The following NRXN1 variants were observed in gnomAD, a reference collection of about 807,000 sequenced individuals.
NRXN1 encodes the protein neurexin 1.
NRXN1 carries 39 observed loss-of-function variants against 150.9 expected under a neutral mutation model. The observed-to-expected ratio is 0.26, with a 90% CI of 0.20 to 0.34. The LOEUF (loss-of-function observed/expected upper bound fraction) is 0.34. Among genes scored for constraint, NRXN1 ranks in the 10% least tolerant of loss-of-function variants. The probability of loss-of-function intolerance (pLI) is 1.00; values close to 1 mark genes in which losing one functional copy is unlikely to be tolerated. For synonymous variants in NRXN1, 924 were observed against 757.0 expected (o/e 1.22, Z -3.62); for missense variants, 1,815 against 1,949.9 (o/e 0.93, Z 1.30).
chr2:50,551,044 G>GAA (rs1491286570), intron 9 of NRXN1, among the ~76,000 whole-genome samples: 421 of 65,764 alleles, frequency 6.4e-3, no homozygotes, highest in African/African-American at 0.028. Flanking sequence ...AAGAGGAAGA[G>GAA]GAAGAGGAAG....
At chr2:51,031,644 G>A (rs555188232) in intron 1 of NRXN1, among the ~76,000 whole-genome samples, 2 of 152,094 alleles carry the variant, frequency 1.3e-5, no homozygotes, top group African/African-American at 2.4e-5. Context: ...ACAAATTAAC[G>A]ATGGGCACAG....
At chr2:50,128,248 T>C (rs1234455823) in intron 18 of NRXN1, among the ~76,000 whole-genome samples, 2 of 152,070 alleles carry the variant, frequency 1.3e-5, no homozygotes, top group Admixed American at 6.5e-5. Context: ...GGGCAAAGCA[T>C]GGAGGAAAAA....
chr2:49,964,445 T>A (rs1435497703), intron 21 of NRXN1, among the ~76,000 whole-genome samples: 1 of 151,276 alleles, frequency 6.6e-6, no homozygotes, highest in Non-Finnish European at 1.5e-5. Flanking sequence ...TCGGGTGTGG[T>A]GGCGCACACC....
chr2:50,616,153 T>G (rs923861280), intron 8 of NRXN1: 2 of 152,160 alleles, frequency 1.3e-5, no homozygotes, highest in African/African-American at 4.8e-5. Context: ...CAGACTTTGA[T>G]TTACTTGTGA....
At chr2:50,977,062 G>A (rs1013911745) in intron 2 of NRXN1, among the ~76,000 whole-genome samples, 5 of 151,900 alleles carry the variant, frequency 3.3e-5, no homozygotes, top group Non-Finnish European at 7.4e-5. Context: ...GAATTATAGA[G>A]AGGGAGAAAA....
At chr2:50,238,556 T>C (rs1330256128) in intron 17 of NRXN1, among the ~76,000 whole-genome samples, 1 of 152,068 alleles carries the variant, frequency 6.6e-6, no homozygotes, top group Non-Finnish European at 1.5e-5. Flanking sequence ...CATTTATGTG[T>C]AAAAGTTGTG....
chr2:50,665,098 G>A (rs548941692), intron 5 of NRXN1, among the ~76,000 whole-genome samples: 1 of 151,838 alleles, frequency 6.6e-6, no homozygotes, highest in Non-Finnish European at 1.5e-5. Flanking sequence ...CACAGGCCAC[G>A]TTTTTCCTCA....
chr2:51,018,499 T>C (rs77851994), intron 2 of NRXN1, among the ~76,000 whole-genome samples: 138 of 152,224 alleles, frequency 9.1e-4, no homozygotes, highest in Non-Finnish European at 1.6e-3. Context: ...AGGGCATTCA[T>C]CTTTCCAACT....
chr2:50,920,302 T>C (rs1247264236), intron 5 of NRXN1, among the ~76,000 whole-genome samples: 2 of 151,682 alleles, frequency 1.3e-5, no homozygotes, highest in African/African-American at 2.4e-5. Flanking sequence ...AAGACTGACA[T>C]AGAAAAACTA....
At chr2:50,297,486 A>G (rs1104980) in intron 17 of NRXN1, among the ~76,000 whole-genome samples, 30,924 of 152,114 alleles carry the variant, frequency 0.2, 3,438 homozygotes, top group East Asian at 0.41. Context: ...CAAAGCTAAC[A>G]GGTTGAGAAT....
At chr2:50,246,394 C>T (rs1000118833) in intron 17 of NRXN1, among the ~76,000 whole-genome samples, 8 of 151,956 alleles carry the variant, frequency 5.3e-5, no homozygotes, top group East Asian at 3.9e-4. Context: ...TTATTTGCAT[C>T]GCATAGTTAA....
chr2:50,801,282 T>G lies in NRXN1; in HGVS notation c.832+120587A>C, dbSNP rs532063355. Among the ~76,000 whole-genome samples the G allele has an allele frequency of 2.9e-3, 446 of 152,302 alleles. 2 individuals carry two copies. The highest frequency in any genetic ancestry group is 9.9e-3 in the African/African-American group (413 of 41,570). On this transcript the variant is annotated intron_variant, in intron 5 of 22. Transcript: ENST00000401669. ...TCAAATCACTCAGATTCTATTTTTTTGTTCAGGATAAAAATGTACCTATGA... is the reference window on the plus strand; with the variant it reads ...TCAAATCACTCAGATTCTATTTTTTGGTTCAGGATAAAAATGTACCTATGA...
At chr2:50,754,648 G>A (rs1700973932) in intron 5 of NRXN1, among the ~76,000 whole-genome samples, 1 of 151,778 alleles carries the variant, frequency 6.6e-6, no homozygotes, top group African/African-American at 2.4e-5. Context: ...TGAATATCAA[G>A]CTACAGTCCA....
intron 5 of NRXN1, among the ~76,000 whole-genome samples, chr2:50,705,215 T>C (rs1694271494): frequency 6.6e-6 from 1 of 152,094 alleles, no homozygotes; most frequent in South Asian, 2.1e-4. Flanking sequence ...AAGATGAATG[T>C]ATTTACAAGT....
intron 19 of NRXN1, among the ~76,000 whole-genome samples, chr2:50,087,299 A>G (rs746924435): frequency 6.6e-5 from 10 of 152,112 alleles, no homozygotes; most frequent in Non-Finnish European, 1.3e-4. Flanking sequence ...TCCTTTAAAT[A>G]TTTGTTGATT....
chr2:50,502,183 T>G (rs957523452), intron 13 of NRXN1, among the ~76,000 whole-genome samples: 2 of 140,332 alleles, frequency 1.4e-5, no homozygotes. Flanking sequence ...TCTGACAAAA[T>G]AGAAGAAGAA....
chr2:50,772,114 A>C (rs75737636), intron 5 of NRXN1, among the ~76,000 whole-genome samples: 1 of 151,888 alleles, frequency 6.6e-6, no homozygotes, highest in Admixed American at 6.6e-5. Context: ...TGGGATACAG[A>C]TTTTCTCCTA....
chr2:50,140,137 T>C (rs372546864), intron 18 of NRXN1, among the ~76,000 whole-genome samples: 2 of 152,162 alleles, frequency 1.3e-5, no homozygotes, highest in Admixed American at 6.5e-5. Context: ...GATTAAAATA[T>C]ATACAGCATG....
chr2:50,696,269 G>A (rs1212448204), intron 5 of NRXN1: 2 of 151,808 alleles, frequency 1.3e-5, no homozygotes, highest in African/African-American at 4.9e-5. Context: ...CAGAACTGAA[G>A]ACCATAAAAT....
Sources: gnomAD v4.1 joint callset for allele counts (sites outside exome capture counted in the v4.1 genomes callset) on GRCh38, gnomAD v4.1.1 for gene constraint, MANE v1.5 for transcripts, NCBI Gene and HGNC (gene_info 2026-07-23, HGNC 2026-07-21) for gene names.